MYH11: variants seen among roughly 807,000 people sequenced by gnomAD.
The protein encoded by MYH11 is myosin heavy chain 11.
MYH11 carries 80 observed loss-of-function variants against 246.6 expected under a neutral mutation model. The observed-to-expected ratio is 0.32, with a 90% CI of 0.27 to 0.39. The LOEUF (loss-of-function observed/expected upper bound fraction) is 0.39, where lower values mean the gene tolerates loss of function less well. Ranked by LOEUF, MYH11 falls within the 10% of genes least tolerant of loss-of-function variation. The pLI is 1.00. For synonymous variants in MYH11, 1,071 were observed against 1,015.5 expected (o/e 1.05, Z -1.04); for missense variants, 2,158 against 2,546.8 (o/e 0.85, Z 3.29).
intron 20 of MYH11, 31 bp downstream of exon 20, chr16:15,745,098 C>T: frequency 1.3e-6 from 2 of 1,579,726 alleles, no homozygotes; most frequent in African/African-American, 2.7e-5. Flanking sequence ...GCTGGGGGCC[C>T]CTGGGAAGGG....
chr16:15,714,826 T>C, intron 40 of MYH11, 83 bp downstream of exon 40: 1 of 1,546,882 alleles, frequency 6.5e-7, no homozygotes, highest in Admixed American at 1.7e-5. Context: ...ACAAGGGGCA[T>C]TTGCAGGCCG....
chr16:15,794,897 G>C (rs1210155759), intron 4 of MYH11, among the ~76,000 whole-genome samples: 1 of 152,238 alleles, frequency 6.6e-6, no homozygotes, highest in Non-Finnish European at 1.5e-5. Context: ...GGGAAGAGCA[G>C]ATCACACTCA....
intron 4 of MYH11, 143 bp from the exon 5 acceptor site, chr16:15,786,875 CAAGGCCACAT>C: frequency 1.2e-6 from 1 of 804,446 alleles, no homozygotes; most frequent in Non-Finnish European, 2.1e-6. Context: ...GTAACTTGCC[CAAGGCCACAT>C]CTCTGGTAGT....
intron 20 of MYH11, among the ~76,000 whole-genome samples, chr16:15,744,517 AAAG>A (rs1294711335): frequency 1.3e-5 from 2 of 149,180 alleles, no homozygotes; most frequent in South Asian, 4.3e-4. Context: ...AAAAAAAAAG[AAAG>A]AAGAGACAGA....
At chr16:15,813,764 A>G (rs937467608) in intron 3 of MYH11, among the ~76,000 whole-genome samples, 2 of 151,614 alleles carry the variant, frequency 1.3e-5, no homozygotes, top group African/African-American at 4.8e-5. Context: ...AGGCACAGGC[A>G]TGAGGAAAGC....
chr16:15,732,405 G>A lies in MYH11; in HGVS notation c.3651+159C>T, dbSNP rs780038288. On this transcript the variant is annotated intron_variant, in intron 27 of 40. Transcript: ENST00000300036. ...GTGAGCCACCTCACCCAGCCTGTAT[G>A]GGAAGCATTTTGTAAATAAATATAA... 6.0e-5 allele frequency: 69 copies of A among 1,149,804 alleles called. No homozygotes were observed. In the Middle Eastern group the frequency reaches 2.0e-3, roughly 33 times the overall value. The allele number at this position is 1,149,804 out of a possible 1,614,324, so 71.2% of individuals were successfully genotyped here.
At chr16:15,708,501 TAC>T (rs2039589379) in intron 40 of MYH11, among the ~76,000 whole-genome samples, 3 of 152,174 alleles carry the variant, frequency 2.0e-5, no homozygotes, top group South Asian at 2.1e-4. Flanking sequence ...AAATCCAAGC[TAC>T]ACACACAGCC....
At chr16:15,707,112 C>T (rs917203922) in intron 40 of MYH11, among the ~76,000 whole-genome samples, 1 of 152,108 alleles carries the variant, frequency 6.6e-6, no homozygotes, top group Non-Finnish European at 1.5e-5. Flanking sequence ...GATCTTGGCT[C>T]ACTGCAGCCT....
chr16:15,808,967 G>A (rs991659422), intron 3 of MYH11, among the ~76,000 whole-genome samples: 5 of 152,004 alleles, frequency 3.3e-5, no homozygotes, highest in African/African-American at 7.3e-5. Flanking sequence ...GAAAACCAAC[G>A]CTCTCCCTCT....
At chr16:15,705,752 C>T (rs1288968077) in intron 40 of MYH11, among the ~76,000 whole-genome samples, 1 of 151,870 alleles carries the variant, frequency 6.6e-6, no homozygotes, top group Non-Finnish European at 1.5e-5. Flanking sequence ...GAGGCTGAGG[C>T]GGGCGGATCA....
chr16:15,794,732 G>A (rs2042703730), intron 4 of MYH11, among the ~76,000 whole-genome samples: 1 of 152,212 alleles, frequency 6.6e-6, no homozygotes, highest in Admixed American at 6.5e-5. Context: ...TTACAAGAGA[G>A]CCCTGTGGGA....
chr16:15,800,595 A>AGTTG (rs1173675083), intron 3 of MYH11, among the ~76,000 whole-genome samples: 1 of 134,894 alleles, frequency 7.4e-6, no homozygotes, highest in Non-Finnish European at 1.6e-5. Context: ...CCGGTAAATG[A>AGTTG]GTTGGATGGA....
chr16:15,817,743 T>C (rs1253898873), intron 3 of MYH11, among the ~76,000 whole-genome samples: 2 of 152,106 alleles, frequency 1.3e-5, no homozygotes, highest in African/African-American at 4.8e-5. Flanking sequence ...TGCCACAGTA[T>C]ACTAGTCAAC....
chr16:15,778,990 T>C (rs1002045736), intron 6 of MYH11, 147 bp from the exon 7 acceptor site: 33 of 785,478 alleles, frequency 4.2e-5, no homozygotes, highest in South Asian at 3.9e-4. Context: ...ACAGGTCAAG[T>C]TGTCAGGCGG....
At chr16:15,819,654 T>C (rs530559302) in intron 3 of MYH11, among the ~76,000 whole-genome samples, 6 of 152,298 alleles carry the variant, frequency 3.9e-5, no homozygotes, top group South Asian at 2.1e-4. Flanking sequence ...TGATTCTACA[T>C]GATGGTGAGT....
chr16:15,719,154 G>A (rs2040330146), intron 36 of MYH11, 66 bp downstream of exon 36: 7 of 1,480,820 alleles, frequency 4.7e-6, no homozygotes, highest in Non-Finnish European at 6.6e-6. Context: ...TAAAATGGGG[G>A]TCGAGGATGC....
rs184422383 is a variant in MYH11 at position 15,720,181 on chromosome 16, C to T, written c.4923G>A (p.Glu1641=). The stretch of plus-strand genomic sequence containing the variant: ...GTTTGCGTAGCTGCTTGATGGCTTC[C>T]TCCCTCCCCTTGATGGCAGAGTCGG... The part of the protein sequence containing the change: ...LQADSAIKGR[E]EAIKQLRKLQ... Residue 1641 remains glutamate, a synonymous_variant, in exon 34 of 41, where the codon GAG becomes GAA. Coordinates refer to ENST00000300036, the MANE Select transcript of MYH11 (RefSeq NM_002474.3). 1.2e-6 allele frequency: 2 copies of T among 1,614,114 alleles called. No individual in the cohort carries two copies. Among genetic ancestry groups the T allele is most frequent in the East Asian group, 2.2e-5 (1 of 44,868 alleles).
chr16:15,806,267 G>A (rs917034773), intron 3 of MYH11, among the ~76,000 whole-genome samples: 1 of 110,658 alleles, frequency 9.0e-6, no homozygotes, highest in Non-Finnish European at 1.7e-5. Context: ...AGTGCAGTGA[G>A]ACACTCTGTC....
chr16:15,799,707 A>G (rs2042836253), intron 3 of MYH11, among the ~76,000 whole-genome samples: 1 of 152,238 alleles, frequency 6.6e-6, no homozygotes, highest in Non-Finnish European at 1.5e-5. Context: ...AACAATGTAG[A>G]AATCCCAGCA....
Sources: gnomAD v4.1 joint callset for allele counts (sites outside exome capture counted in the v4.1 genomes callset) on GRCh38, gnomAD v4.1.1 for gene constraint, MANE v1.5 for transcripts, NCBI Gene and HGNC (gene_info 2026-07-23, HGNC 2026-07-21) for gene names.